DPH6: variants seen among roughly 807,000 people sequenced by gnomAD.
The protein encoded by DPH6 is diphthamine biosynthesis 6.
A neutral mutation model predicts 38.2 loss-of-function variants in DPH6; 33 were observed. The ratio of observed to expected loss-of-function variants is 0.86; its 90% CI spans 0.65 to 1.15. The LOEUF (loss-of-function observed/expected upper bound fraction) is 1.15. Among genes scored for constraint, DPH6 ranks in the 50% most tolerant of loss-of-function variants. The pLI, the probability that DPH6 is intolerant of heterozygous loss-of-function variation, is 0.00. For missense variants in DPH6, 325 were observed against 320.0 expected (o/e 1.02, Z -0.12); for synonymous variants, 108 against 103.0 (o/e 1.05, Z -0.30).
At chr15:35,452,939 G>T (rs1428195737) in intron 4 of DPH6, among the ~76,000 whole-genome samples, 2 of 152,098 alleles carry the variant, frequency 1.3e-5, no homozygotes, top group Non-Finnish European at 2.9e-5. Context: ...CGAATTTTAC[G>T]ATAAGGACAG....
intron 3 of DPH6, among the ~76,000 whole-genome samples, chr15:35,276,829 T>C (rs756678938): frequency 3.3e-5 from 5 of 152,226 alleles, no homozygotes; most frequent in Non-Finnish European, 7.3e-5. Context: ...TTGGTGAGTA[T>C]GGCCTTATAG....
At chr15:35,215,776 T>C (rs1019630255), downstream of DPH6, among the ~76,000 whole-genome samples, 7 of 152,256 alleles carry the variant, frequency 4.6e-5, no homozygotes, top group Admixed American at 3.9e-4. Context: ...ACAAAGCCAC[T>C]GTCGGCACTA....
chr15:35,389,712 C>CT (rs1364427322), intron 6 of DPH6, among the ~76,000 whole-genome samples: 1 of 152,102 alleles, frequency 6.6e-6, no homozygotes, highest in African/African-American at 2.4e-5. Flanking sequence ...TCCTCCATCC[C>CT]TTTATTTTGA....
chr15:35,377,316 C>T (rs532813826), intron 7 of DPH6, among the ~76,000 whole-genome samples: 3 of 151,938 alleles, frequency 2.0e-5, no homozygotes, highest in East Asian at 1.9e-4. Context: ...CTTATTCTTC[C>T]GTCCACCCAT....
the DPH6 span, among the ~76,000 whole-genome samples, chr15:35,208,212 G>C: frequency 2.6e-5 from 4 of 152,252 alleles, no homozygotes; most frequent in South Asian, 8.3e-4. Flanking sequence ...TGGAGGTGGT[G>C]GCGGGGGAGA....
the DPH6 span, among the ~76,000 whole-genome samples, chr15:35,194,369 C>CAG: frequency 0.034 from 4,878 of 144,694 alleles, 132 homozygotes; most frequent in African/African-American, 0.073. Context: ...TTCCTTTTTC[C>CAG]AGAGAGAGAG....
chr15:35,421,833 GA>G (rs1419263295), intron 5 of DPH6, among the ~76,000 whole-genome samples: 37 of 152,068 alleles, frequency 2.4e-4, no homozygotes, highest in African/African-American at 8.7e-4. Context: ...TTTGACTTCT[GA>G]AAAGATCATT....
rs554779015 is a variant in DPH6, at chr15:35,436,431, G to A, written c.505+14254C>T. On this transcript the variant is annotated intron_variant, in intron 5 of 8. Coordinates refer to ENST00000256538, the MANE Select transcript of DPH6 (RefSeq NM_080650.4). Reference sequence around the variant, plus strand: ...CAATGAGCCGAGATGGCGCCACTGCGCTCCAGCCTGGGAGACAGAGTGAGA... The same window carrying A: ...CAATGAGCCGAGATGGCGCCACTGCACTCCAGCCTGGGAGACAGAGTGAGA... 3.0e-3 allele frequency among the ~76,000 whole-genome samples: 440 copies of A among 148,622 alleles called. 4 individuals carry two copies. Among genetic ancestry groups the A allele is most frequent in the East Asian group, 0.011 (52 of 4,940 alleles).
chr15:35,392,386 A>T (rs917423765), intron 6 of DPH6, among the ~76,000 whole-genome samples: 13 of 148,536 alleles, frequency 8.8e-5, no homozygotes, highest in Non-Finnish European at 1.0e-4. Context: ...AGTCTCACTT[A>T]TCTGTTAGTC....
intron 5 of DPH6, among the ~76,000 whole-genome samples, chr15:35,436,471 AAAC>A (rs1421758854): frequency 8.6e-6 from 1 of 115,958 alleles, no homozygotes; most frequent in Non-Finnish European, 1.6e-5. Flanking sequence ...GTCTCAAACA[AAAC>A]AAACAAAAAC....
chr15:35,386,903 TGA>T (rs1434628180), intron 6 of DPH6, among the ~76,000 whole-genome samples: 4 of 152,244 alleles, frequency 2.6e-5, no homozygotes, highest in Non-Finnish European at 4.4e-5. Context: ...GTTTTAGACA[TGA>T]AGTCCTTGCC....
chr15:35,165,867 A>T, the DPH6 span, among the ~76,000 whole-genome samples: 2 of 152,040 alleles, frequency 1.3e-5, no homozygotes, highest in South Asian at 2.1e-4. Flanking sequence ...GAAAGTTTTG[A>T]ATTGTCTAGA....
intron 3 of DPH6, among the ~76,000 whole-genome samples, chr15:35,264,936 G>C (rs1326256645): frequency 6.6e-6 from 1 of 152,152 alleles, no homozygotes; most frequent in Non-Finnish European, 1.5e-5. Context: ...AGCATAACAT[G>C]AAAAGCAGGG....
chr15:35,319,846 A>G (rs1238935593), intron 3 of DPH6, among the ~76,000 whole-genome samples: 1 of 152,064 alleles, frequency 6.6e-6, no homozygotes. Flanking sequence ...ATACAAGAAC[A>G]GTAAGAAATT....
chr15:35,150,803 C>G, the DPH6 span, among the ~76,000 whole-genome samples: 3,772 of 152,186 alleles, frequency 0.025, 49 homozygotes, highest in East Asian at 0.06. Context: ...AGATGCTACT[C>G]GAAAGAATCA....
intron 3 of DPH6, among the ~76,000 whole-genome samples, chr15:35,518,787 A>G (rs925514883): frequency 1.3e-5 from 2 of 151,966 alleles, no homozygotes; most frequent in African/African-American, 2.4e-5. Context: ...GATAAAAGCC[A>G]TTTACTTTCC....
intron 3 of DPH6, among the ~76,000 whole-genome samples, chr15:35,315,315 T>C (rs1017121449): frequency 3.5e-4 from 54 of 152,354 alleles, no homozygotes; most frequent in African/African-American, 1.3e-3. Context: ...TCCAAGAGTT[T>C]GTTGAATCCT....
intron 3 of DPH6, among the ~76,000 whole-genome samples, chr15:35,307,546 C>A (rs889370578): frequency 6.6e-6 from 1 of 151,984 alleles, no homozygotes; most frequent in African/African-American, 2.4e-5. Context: ...GTTGGGTTAA[C>A]TAACAAAATT....
At chr15:35,457,998 T>C (rs1191544347) in intron 3 of DPH6, among the ~76,000 whole-genome samples, 3 of 152,202 alleles carry the variant, frequency 2.0e-5, no homozygotes, top group Admixed American at 6.5e-5. Context: ...TATAAGATAG[T>C]ATAGTATTTG....
Sources: allele counts gnomAD v4.1 joint callset (sites outside exome capture counted in the v4.1 genomes callset), GRCh38; gene constraint gnomAD v4.1.1; transcripts MANE v1.5; gene names NCBI Gene and HGNC (gene_info 2026-07-23, HGNC 2026-07-21).